The following KCNQ1 variants were observed in gnomAD, a reference collection of about 807,000 sequenced individuals.
KCNQ1 encodes the protein potassium voltage-gated channel subfamily KQT member 1.
A neutral mutation model predicts 72.4 loss-of-function variants in KCNQ1; 49 were observed. The observed-to-expected ratio is 0.68, with a 90% CI of 0.54 to 0.86. KCNQ1 has a LOEUF of 0.86. Ranked by LOEUF, KCNQ1 falls within the 40% of genes least tolerant of loss-of-function variation. KCNQ1 has a pLI of 0.00. For missense variants in KCNQ1, 790 were observed against 945.1 expected, an observed-to-expected ratio of 0.84 and a Z score of 2.15; for synonymous variants, 450 against 412.6, an observed-to-expected ratio of 1.09 and a Z score of -1.10.
chr11:2,529,909 C>T (rs961534522), intron 2 of KCNQ1, among the ~76,000 whole-genome samples: 1 of 152,144 alleles, frequency 6.6e-6, no homozygotes, highest in South Asian at 2.1e-4. Context: ...CGTGGTTTTA[C>T]GGTGACCATG....
rs1849139093 is a variant in KCNQ1, at chr11:2,620,009, C to T, written c.1393+31155C>T. ...ACCCAATAGGTAGGTTTTCAGCCCACCTCTCCATTCCTCCCCCAAGTAGTC... is the reference window on the plus strand; with the variant it reads ...ACCCAATAGGTAGGTTTTCAGCCCATCTCTCCATTCCTCCCCCAAGTAGTC... On this transcript the variant is annotated intron_variant, in intron 10 of 15. Transcript: ENST00000155840. The surrounding 1 kb of genome is among the most constrained non-coding windows in gnomAD (Gnocchi z 4.5). 2 of 397,618 alleles carry T rather than the reference C, an allele frequency of 5.0e-6. No individual in the cohort carries two copies. The highest frequency in any genetic ancestry group is 2.6e-4 in the South Asian group (2 of 7,774). 24.6% of individuals were successfully genotyped at this position (397,618 alleles called of 1,614,324 possible).
rs925432994 is a variant in KCNQ1 at position 2,698,719 on chromosome 11, G to A, written c.1514+36638G>A. 1.3e-5 allele frequency: 5 copies of A among 398,566 alleles called. No homozygotes were observed. Among genetic ancestry groups the A allele is most frequent in the African/African-American group, 4.1e-5 (2 of 48,496 alleles). 24.7% of individuals were successfully genotyped at this position (398,566 alleles called of 1,614,324 possible). ...CAGACTCCAGACCCTGACTCCAGTC[G>A]CCAACTCGGACCTCCCTTGGATCTC... is the stretch of plus-strand genomic sequence containing the variant. On this transcript the variant is annotated intron_variant, in intron 11 of 15. Coordinates refer to ENST00000155840, the MANE Select transcript of KCNQ1 (RefSeq NM_000218.3). The surrounding 1 kb of genome is among the most constrained non-coding windows in gnomAD (Gnocchi z 5.1).
chr11:2,806,664 T>A (rs1847379736), intron 15 of KCNQ1, among the ~76,000 whole-genome samples: 1 of 152,192 alleles, frequency 6.6e-6, no homozygotes, highest in African/African-American at 2.4e-5. Flanking sequence ...CCACCTGTCC[T>A]GGGGGATCCC....
At position 2,566,191 on chromosome 11, in the gene KCNQ1, G is replaced by A. The variant is rs1848244711; in HGVS notation, c.478-4437G>A. ...TTGCAGCCTGGTGTCCTTATCTCAT[G>A]TCTGGGTCCCCTTTGCCAAGGGTCC... is the stretch of plus-strand genomic sequence containing the variant. On this transcript the variant is annotated intron_variant, in intron 2 of 15. Transcript: ENST00000155840. This position sits in a 1 kb window ranked among gnomAD's most constrained non-coding sequence, Gnocchi z 6.7. Among the ~76,000 whole-genome samples, 1 of 152,158 alleles carries A rather than the reference G, an allele frequency of 6.6e-6. No individual in the cohort carries two copies.
Position 2,477,217 on chromosome 11 carries a change from G to A in KCNQ1, c.386+31733G>A, listed in dbSNP as rs748685785. Among the ~76,000 whole-genome samples, 1 of 152,194 alleles carries A rather than the reference G, an allele frequency of 6.6e-6. No homozygotes were observed. The highest frequency in any genetic ancestry group is 2.4e-5 in the African/African-American group (1 of 41,442). On this transcript the variant is annotated intron_variant, in intron 1 of 15. Coordinates refer to ENST00000155840, the MANE Select transcript of KCNQ1 (RefSeq NM_000218.3). This position sits in a 1 kb window ranked among gnomAD's most constrained non-coding sequence, Gnocchi z 5.0. Reference sequence around the variant, plus strand: ...GACATGGCACGTGGTGAAAATGCTTGGCAAAGTGTTCAAGGCAGGATGGAG... The same window carrying A: ...GACATGGCACGTGGTGAAAATGCTTAGCAAAGTGTTCAAGGCAGGATGGAG...
Position 2,563,687 on chromosome 11 carries a change from C to T in KCNQ1, c.478-6941C>T, listed in dbSNP as rs12221520. ...CAGGGCCCCCCGTGAAGGATGGCAC[C>T]GAGCACCATTCAACATAAGTCTTGT... On this transcript the variant is annotated intron_variant, in intron 2 of 15. Transcript: ENST00000155840. This position sits in a 1 kb window ranked among gnomAD's most constrained non-coding sequence, Gnocchi z 7.4. Among the ~76,000 whole-genome samples the T allele has an allele frequency of 0.14, 21,628 of 151,986 alleles. 1,584 individuals carry two copies. Among genetic ancestry groups the T allele is most frequent in the South Asian group, 0.17 (830 of 4,812 alleles).
At chr11:2,610,655 A>G (rs564900053) in intron 10 of KCNQ1, 121 of 390,788 alleles carry the variant, frequency 3.1e-4, no homozygotes, top group Middle Eastern at 6.3e-4. Flanking sequence ...TTTATCTGGG[A>G]ATGCTTTTAT....
rs58902386 is a variant in KCNQ1, at chr11:2,756,981, A to AAAAAAAAC, written c.1515-11863_1515-11862insAAAAAAAC. Among the ~76,000 whole-genome samples the AAAAAAAAC allele has an allele frequency of 4.7e-3, 541 of 115,152 alleles. 59 individuals are homozygous for AAAAAAAAC. The highest frequency in any genetic ancestry group is 8.7e-3 in the Middle Eastern group (2 of 230). 75.5% of individuals were successfully genotyped at this position (115,152 alleles called of 152,430 possible). A position where few individuals can be genotyped will look rare whatever the true frequency, so the allele number is the denominator to read the frequency against. ...AAAAAAAAAAAAAAAAAAAAAAAAA[A>AAAAAAAAC]CCCACAGCTAACATCACATCACACT... is the stretch of plus-strand genomic sequence containing the variant. On this transcript the variant is annotated intron_variant, in intron 11 of 15. Coordinates refer to ENST00000155840, the MANE Select transcript of KCNQ1 (RefSeq NM_000218.3).
Position 2,565,966 on chromosome 11 carries a change from G to C in KCNQ1, c.478-4662G>C, listed in dbSNP as rs1848241318. On this transcript the variant is annotated intron_variant, in intron 2 of 15. Coordinates refer to ENST00000155840, the MANE Select transcript of KCNQ1 (RefSeq NM_000218.3). The surrounding 1 kb of genome is among the most constrained non-coding windows in gnomAD (Gnocchi z 5.6). The stretch of plus-strand genomic sequence containing the variant: ...ATCTGACACCCACACCCTCCCTCCA[G>C]GCCAGACCCAGCTCTCCAGCTTCCC... Among the ~76,000 whole-genome samples, 1 of 152,044 alleles carries C rather than the reference G, an allele frequency of 6.6e-6. No individual in the cohort carries two copies. The highest frequency in any genetic ancestry group is 1.5e-5 in the Non-Finnish European group (1 of 67,996).
intron 14 of KCNQ1, among the ~76,000 whole-genome samples, chr11:2,777,243 C>T (rs1846724697): frequency 6.6e-6 from 1 of 151,968 alleles, no homozygotes; most frequent in Non-Finnish European, 1.5e-5. Flanking sequence ...ATTCAGGTTT[C>T]ATAAGAACCT....
At chr11:2,572,760 G>A (rs185532162) in intron 5 of KCNQ1, 86 bp from the exon 6 acceptor site, 124 of 1,567,262 alleles carry the variant, frequency 7.9e-5, no homozygotes, top group Middle Eastern at 5.5e-4. Flanking sequence ...CCCAGTGATC[G>A]CTGGGACTCG....
rs1845736531 is a variant in KCNQ1, at chr11:2,725,095, C to T, written c.1515-43749C>T. 6.6e-6 allele frequency among the ~76,000 whole-genome samples: 1 copy of T among 152,200 alleles called. No homozygotes were observed. Among genetic ancestry groups the T allele is most frequent in the Admixed American group, 6.5e-5 (1 of 15,286 alleles). The stretch of plus-strand genomic sequence containing the variant: ...CAATGACTCCTAAACAAGCTCACGT[C>T]TTGAAGCAGTGCTGGACCCGTTTCA... On this transcript the variant is annotated intron_variant, in intron 11 of 15. Coordinates refer to ENST00000155840, the MANE Select transcript of KCNQ1 (RefSeq NM_000218.3). This position sits in a 1 kb window ranked among gnomAD's most constrained non-coding sequence, Gnocchi z 7.2.
rs556434595 is a variant in KCNQ1, at chr11:2,446,527, A to G, written c.386+1043A>G. 8.9e-4 allele frequency among the ~76,000 whole-genome samples: 136 copies of G among 152,312 alleles called. No individual in the cohort carries two copies. The highest frequency in any genetic ancestry group is 3.1e-3 in the African/African-American group (130 of 41,578). ...CTGGAGGGCATCCAGAGGCCTGTCC[A>G]TGCCTGCTGGCAGCTGCCACCAGGG... On this transcript the variant is annotated intron_variant, in intron 1 of 15. Coordinates refer to ENST00000155840, the MANE Select transcript of KCNQ1 (RefSeq NM_000218.3). This position sits in a 1 kb window ranked among gnomAD's most constrained non-coding sequence, Gnocchi z 8.8.
intron 1 of KCNQ1, among the ~76,000 whole-genome samples, chr11:2,511,859 G>A (rs1057167908): frequency 1.3e-5 from 2 of 152,210 alleles, no homozygotes; most frequent in Non-Finnish European, 2.9e-5. Flanking sequence ...TCTGCCCTGT[G>A]GAGCCCGGCC....
intron 6 of KCNQ1, among the ~76,000 whole-genome samples, chr11:2,575,303 C>T (rs1212904081): frequency 2.6e-5 from 4 of 152,174 alleles, no homozygotes; most frequent in East Asian, 1.9e-4. Flanking sequence ...GCCCGAGCCT[C>T]GGCCATCGCG....
At position 2,601,579 on chromosome 11, in the gene KCNQ1, C is replaced by T. The variant is rs1013400930; in HGVS notation, c.1393+12725C>T. Among the ~76,000 whole-genome samples, 3 of 152,184 alleles carry T rather than the reference C, an allele frequency of 2.0e-5. No individual in the cohort carries two copies. The highest frequency in any genetic ancestry group is 2.1e-4 in the South Asian group (1 of 4,820). Reference sequence around the variant, plus strand: ...CTTTTACACGGACTTTCTCCCATCCCATCCCTCCAATCCCTGGTGACCACT... The same window carrying T: ...CTTTTACACGGACTTTCTCCCATCCTATCCCTCCAATCCCTGGTGACCACT... On this transcript the variant is annotated intron_variant, in intron 10 of 15. Transcript: ENST00000155840. This position sits in a 1 kb window ranked among gnomAD's most constrained non-coding sequence, Gnocchi z 5.2.
At chr11:2,490,983 G>C (rs940258131) in intron 1 of KCNQ1, among the ~76,000 whole-genome samples, 1 of 152,196 alleles carries the variant, frequency 6.6e-6, no homozygotes, top group Non-Finnish European at 1.5e-5. Flanking sequence ...TGGGATTACA[G>C]GCGTGAGCCA....
At chr11:2,791,264 C>A (rs951881077) in intron 15 of KCNQ1, among the ~76,000 whole-genome samples, 2 of 152,168 alleles carry the variant, frequency 1.3e-5, no homozygotes, top group African/African-American at 4.8e-5. Flanking sequence ...GCACCGTGTG[C>A]GGATCTATAA....
At chr11:2,622,319 A>G (rs1169571908) in intron 10 of KCNQ1, 1 of 398,252 alleles carries the variant, frequency 2.5e-6, no homozygotes, top group East Asian at 3.6e-5. Flanking sequence ...TGTCTCCTAT[A>G]ACAATTTTTA....
Sources: allele counts gnomAD v4.1 joint callset (sites outside exome capture counted in the v4.1 genomes callset), GRCh38; gene constraint gnomAD v4.1.1; non-coding constraint Gnocchi (gnomAD v3.1); transcripts MANE v1.5; gene names NCBI Gene and HGNC (gene_info 2026-07-23, HGNC 2026-07-21).